The following UST variants were observed in gnomAD, a reference collection of about 807,000 sequenced individuals.
UST encodes chondroitin sulfate 2-O-sulfotransferase.
A neutral mutation model predicts 45.6 loss-of-function variants in UST; 21 were observed. The ratio of observed to expected loss-of-function variants is 0.46; its 90% CI spans 0.33 to 0.66. The LOEUF (loss-of-function observed/expected upper bound fraction) is 0.66, where lower values mean the gene tolerates loss of function less well. Ranked by LOEUF, UST falls within the 30% of genes least tolerant of loss-of-function variation. The pLI is 0.02. For missense variants in UST, 463 were observed against 512.4 expected (o/e 0.90, Z 0.93); for synonymous variants, 215 against 200.6 (o/e 1.07, Z -0.61).
chr6:148,920,456 G>A (rs1290861453), intron 2 of UST, among the ~76,000 whole-genome samples: 1 of 152,126 alleles, frequency 6.6e-6, no homozygotes, highest in East Asian at 1.9e-4. Context: ...TGAGGATGGA[G>A]GGGTAGGAGC....
chr6:148,961,083 A>G (rs893090460), intron 4 of UST, among the ~76,000 whole-genome samples: 1 of 152,196 alleles, frequency 6.6e-6, no homozygotes, highest in Admixed American at 6.5e-5. Flanking sequence ...TTTCTAGAAA[A>G]TTATTCCCTG....
chr6:149,041,042 A>G (rs1235893727), intron 7 of UST, among the ~76,000 whole-genome samples: 1 of 152,188 alleles, frequency 6.6e-6, no homozygotes, highest in East Asian at 1.9e-4. Context: ...AATAAAACCT[A>G]AAGAAAGTCC....
At chr6:148,810,728 G>A (rs1025046868) in intron 1 of UST, among the ~76,000 whole-genome samples, 1 of 152,162 alleles carries the variant, frequency 6.6e-6, no homozygotes, top group Admixed American at 6.5e-5. Context: ...GAGAGGAAGA[G>A]CAATTTTTTT....
chr6:148,964,330 G>A, intron 4 of UST, 80 bp from the exon 5 acceptor site: 1 of 1,546,312 alleles, frequency 6.5e-7, no homozygotes, highest in African/African-American at 1.4e-5. Flanking sequence ...TTAACCTAGA[G>A]GGAAGGGGAG....
At chr6:148,863,266 C>G (rs1007121691) in intron 1 of UST, among the ~76,000 whole-genome samples, 9 of 152,120 alleles carry the variant, frequency 5.9e-5, no homozygotes, top group Admixed American at 5.9e-4. Context: ...ATCACTTATA[C>G]CCTTTCTTCC....
intron 2 of UST, among the ~76,000 whole-genome samples, chr6:148,918,239 G>A (rs1779627020): frequency 6.6e-6 from 1 of 152,196 alleles, no homozygotes; most frequent in Non-Finnish European, 1.5e-5. Flanking sequence ...TTCACTGAAT[G>A]TTCTTAAGTG....
At chr6:148,782,538 C>G (rs1424435801) in intron 1 of UST, among the ~76,000 whole-genome samples, 1 of 152,192 alleles carries the variant, frequency 6.6e-6, no homozygotes, top group East Asian at 1.9e-4. Flanking sequence ...GCAACCTCCA[C>G]CTCCTGGGTT....
At chr6:148,877,908 G>A (rs1280546009) in intron 1 of UST, among the ~76,000 whole-genome samples, 2 of 108,694 alleles carry the variant, frequency 1.8e-5, no homozygotes, top group African/African-American at 3.6e-5. Flanking sequence ...GGTCATGTAC[G>A]AGTGCGGAGA....
In UST at chr6:148,756,551, C is replaced by G. The variant is rs190419911; in HGVS notation, c.247+8874C>G. Among the ~76,000 whole-genome samples, 455 of 152,324 alleles carry G rather than the reference C, an allele frequency of 3.0e-3. 1 individual carries two copies. The highest frequency in any genetic ancestry group is 4.8e-3 in the Non-Finnish European group (324 of 68,018). The stretch of plus-strand genomic sequence containing the variant: ...AATTTCCCCAAAACTGCCACTGATT[C>G]ATTTTTGTTGTCTCGCTGCCTGCTT... On this transcript the variant is annotated intron_variant, in intron 1 of 7. Transcript: ENST00000367463.
intron 7 of UST, among the ~76,000 whole-genome samples, chr6:149,053,680 C>T (rs570162202): frequency 6.6e-6 from 1 of 152,224 alleles, no homozygotes; most frequent in Non-Finnish European, 1.5e-5. Flanking sequence ...AAATTGAGAA[C>T]TAATTATCTC....
At chr6:148,845,636 A>G (rs1777972008) in intron 1 of UST, among the ~76,000 whole-genome samples, 3 of 152,184 alleles carry the variant, frequency 2.0e-5, no homozygotes, top group Admixed American at 2.0e-4. Flanking sequence ...CTGTTGGGTA[A>G]ATACTTAACT....
chr6:148,771,994 A>T (rs1776437556), intron 1 of UST, among the ~76,000 whole-genome samples: 1 of 151,466 alleles, frequency 6.6e-6, no homozygotes, highest in Admixed American at 6.6e-5. Flanking sequence ...CTCCTTCAAT[A>T]TTTTTTTTTC....
chr6:149,021,538 C>T, intron 7 of UST, 57 bp downstream of exon 7: 2 of 1,584,272 alleles, frequency 1.3e-6, no homozygotes, highest in African/African-American at 1.4e-5. Context: ...CAGGGCTACT[C>T]ACCTTGAAAA....
intron 2 of UST, among the ~76,000 whole-genome samples, chr6:148,913,656 T>G (rs932125222): frequency 3.3e-5 from 5 of 152,132 alleles, no homozygotes; most frequent in Admixed American, 1.3e-4. Flanking sequence ...ATGCTTTGGC[T>G]TTCCTATGTC....
intron 5 of UST, among the ~76,000 whole-genome samples, chr6:149,006,687 G>A (rs1352805036): frequency 6.6e-6 from 1 of 152,188 alleles, no homozygotes; most frequent in Non-Finnish European, 1.5e-5. Context: ...CTTCCACAAT[G>A]GTTGAACTAA....
intron 1 of UST, among the ~76,000 whole-genome samples, chr6:148,860,089 A>G (rs1322129768): frequency 6.6e-6 from 1 of 152,206 alleles, no homozygotes; most frequent in Non-Finnish European, 1.5e-5. Context: ...CTTGGGCAGT[A>G]TGGCCATTTT....
At chr6:148,806,118 C>A (rs752038676) in intron 1 of UST, among the ~76,000 whole-genome samples, 5 of 151,396 alleles carry the variant, frequency 3.3e-5, no homozygotes. Context: ...AGTATAATTG[C>A]GGCTTAGTTT....
At chr6:148,754,647 T>C (rs1033589588) in intron 1 of UST, among the ~76,000 whole-genome samples, 1 of 152,248 alleles carries the variant, frequency 6.6e-6, no homozygotes, top group Non-Finnish European at 1.5e-5. Flanking sequence ...ACATTATTTA[T>C]ATATTCTTAA....
chr6:148,959,536 T>C (rs139170574), intron 4 of UST, among the ~76,000 whole-genome samples: 29 of 152,366 alleles, frequency 1.9e-4, no homozygotes, highest in African/African-American at 6.5e-4. Flanking sequence ...TGGCACTTTC[T>C]TCCTCATGTT....
Sources: allele counts gnomAD v4.1 joint callset (sites outside exome capture counted in the v4.1 genomes callset), GRCh38; gene constraint gnomAD v4.1.1; transcripts MANE v1.5; gene names NCBI Gene and HGNC (gene_info 2026-07-23, HGNC 2026-07-21).